EXOC6: variants seen among roughly 807,000 people sequenced by gnomAD.
The protein encoded by EXOC6 is exocyst complex component 6.
Under a neutral mutation model 112.5 loss-of-function variants are expected in EXOC6, and 60 were observed. The observed-to-expected ratio is 0.53, with a 90% CI of 0.43 to 0.66. The LOEUF (loss-of-function observed/expected upper bound fraction) is 0.66. EXOC6 is among the 30% of genes least tolerant of loss of function. The pLI is 0.00. For synonymous variants in EXOC6, 295 were observed against 308.0 expected (o/e 0.96, Z 0.44); for missense variants, 855 against 957.1 (o/e 0.89, Z 1.41).
At chr10:92,893,248 T>C (rs1427735317) in intron 1 of EXOC6, 101 bp from the exon 2 acceptor site, 2 of 796,448 alleles carry the variant, frequency 2.5e-6, no homozygotes, top group Non-Finnish European at 3.9e-6. Flanking sequence ...ATCACCAGTT[T>C]ATTTGTTCAG....
At chr10:92,898,869 G>T (rs941539782) in intron 4 of EXOC6, among the ~76,000 whole-genome samples, 3 of 152,160 alleles carry the variant, frequency 2.0e-5, no homozygotes, top group African/African-American at 7.2e-5. Context: ...CCATATTGTA[G>T]AGGGAAAGCA....
At chr10:92,955,832 G>T in intron 17 of EXOC6, 118 bp downstream of exon 17, 7 of 887,842 alleles carry the variant, frequency 7.9e-6, no homozygotes, top group Non-Finnish European at 1.2e-5. Flanking sequence ...AAGAATAGAG[G>T]TATTCATTGT....
chr10:93,020,824 A>C (rs1361482908), intron 20 of EXOC6, among the ~76,000 whole-genome samples: 1 of 151,864 alleles, frequency 6.6e-6, no homozygotes, highest in Non-Finnish European at 1.5e-5. Flanking sequence ...TGAACGGAAG[A>C]AGCAGCACTG....
In EXOC6 at chr10:92,939,330, G is replaced by A. The variant is rs183816026; in HGVS notation, c.1213-1397G>A. ...GCACTAAGAATATTTCTGGAAGAAA[G>A]AAAGATGGGTAGATGATGGAGAATG... On this transcript the variant is annotated intron_variant, in intron 12 of 21. Coordinates refer to ENST00000260762, the MANE Select transcript of EXOC6 (RefSeq NM_019053.6). Among the ~76,000 whole-genome samples, 57 of 152,132 alleles carry A rather than the reference G, an allele frequency of 3.7e-4. No homozygotes were observed. The East Asian group carries it at 7.1e-3, about 19-fold the overall frequency.
rs139360564 is a variant in EXOC6, at chr10:93,017,239, A to G, written c.2169+2972A>G. On this transcript the variant is annotated intron_variant, in intron 20 of 21. Coordinates refer to ENST00000260762, the MANE Select transcript of EXOC6 (RefSeq NM_019053.6). ...TTTGCTTCTTGGCATACAGAGTTAT[A>G]TAATGGACTCCAGAGACTCAAAAGG... Among the ~76,000 whole-genome samples, 436 of 152,254 alleles carry G rather than the reference A, an allele frequency of 2.9e-3. 2 individuals carry two copies. The highest frequency in any genetic ancestry group is 4.6e-3 in the Non-Finnish European group (316 of 68,020).
intron 1 of EXOC6, among the ~76,000 whole-genome samples, chr10:92,882,316 G>A (rs1849007298): frequency 6.6e-6 from 1 of 152,076 alleles, no homozygotes; most frequent in Non-Finnish European, 1.5e-5. Flanking sequence ...GGCCAAAGCA[G>A]GTGGATCATC....
chr10:92,968,037 T>TATAA (rs1479996924), intron 17 of EXOC6, among the ~76,000 whole-genome samples: 1 of 152,172 alleles, frequency 6.6e-6, no homozygotes, highest in African/African-American at 2.4e-5. Flanking sequence ...CATTAAGGTG[T>TATAA]GTTATCTTTA....
chr10:92,882,491 C>G (rs1849014857), intron 1 of EXOC6, among the ~76,000 whole-genome samples: 1 of 149,030 alleles, frequency 6.7e-6, no homozygotes, highest in Admixed American at 6.8e-5. Context: ...TTGCAGTGAG[C>G]CAAGATCGTG....
intron 1 of EXOC6, among the ~76,000 whole-genome samples, chr10:92,888,981 G>A (rs1243490125): frequency 6.6e-6 from 1 of 152,300 alleles, no homozygotes; most frequent in Non-Finnish European, 1.5e-5. Flanking sequence ...AAAAGAGGCA[G>A]TGATAGTTTC....
intron 5 of EXOC6, 66 bp from the exon 6 acceptor site, chr10:92,909,361 A>T: frequency 8.5e-7 from 1 of 1,171,512 alleles, no homozygotes; most frequent in African/African-American, 1.5e-5. Flanking sequence ...CTGATTATTT[A>T]GATTTACTTG....
At chr10:93,001,770 GA>G (rs1305845571) in intron 19 of EXOC6, among the ~76,000 whole-genome samples, 1 of 152,090 alleles carries the variant, frequency 6.6e-6, no homozygotes. Context: ...GGTCACACAG[GA>G]AAAAACAAAT....
chr10:92,886,474 C>T (rs1849224208), intron 1 of EXOC6, among the ~76,000 whole-genome samples: 1 of 152,200 alleles, frequency 6.6e-6, no homozygotes, highest in South Asian at 2.1e-4. Context: ...GAGTCATTCT[C>T]AATTGTTGAT....
At chr10:93,054,282 G>A (rs1451757404) in intron 20 of EXOC6, among the ~76,000 whole-genome samples, 1 of 152,122 alleles carries the variant, frequency 6.6e-6, no homozygotes, top group Non-Finnish European at 1.5e-5. Flanking sequence ...CGTGATAGGT[G>A]GGGAGTCAAT....
chr10:92,990,620 G>GT (rs1030883635), intron 18 of EXOC6, among the ~76,000 whole-genome samples: 21 of 151,956 alleles, frequency 1.4e-4, no homozygotes, highest in South Asian at 2.1e-4. Flanking sequence ...GTTTTTCTGT[G>GT]TTTTTTTTCT....
intron 1 of EXOC6, among the ~76,000 whole-genome samples, chr10:92,827,709 A>T (rs944011122): frequency 2.6e-5 from 4 of 152,138 alleles, no homozygotes; most frequent in African/African-American, 9.7e-5. Flanking sequence ...ATCCCCTCAC[A>T]GACCAGATGA....
chr10:92,889,771 TG>T (rs1179393810), intron 1 of EXOC6, among the ~76,000 whole-genome samples: 3 of 150,390 alleles, frequency 2.0e-5, no homozygotes, highest in African/African-American at 4.9e-5. Context: ...TTTTTCAGAG[TG>T]GGGGTTGCGC....
intron 20 of EXOC6, 133 bp from the exon 21 acceptor site, chr10:93,056,791 A>C: frequency 1.7e-6 from 1 of 600,902 alleles, no homozygotes; most frequent in South Asian, 2.1e-5. Flanking sequence ...ATGAAGTTTT[A>C]AAAATGAATT....
intron 20 of EXOC6, among the ~76,000 whole-genome samples, chr10:93,021,870 G>T (rs990945295): frequency 2.6e-5 from 4 of 152,152 alleles, no homozygotes; most frequent in African/African-American, 9.7e-5. Flanking sequence ...AGTTGTATAT[G>T]AATTTTTATG....
At chr10:92,946,622 A>T (rs2133990669) in intron 13 of EXOC6, among the ~76,000 whole-genome samples, 1 of 152,300 alleles carries the variant, frequency 6.6e-6, no homozygotes, top group South Asian at 2.1e-4. Flanking sequence ...CTACAGAGTG[A>T]AATCTGGATG....
Sources: gnomAD v4.1 joint callset for allele counts (sites outside exome capture counted in the v4.1 genomes callset) on GRCh38, gnomAD v4.1.1 for gene constraint, MANE v1.5 for transcripts, NCBI Gene and HGNC (gene_info 2026-07-23, HGNC 2026-07-21) for gene names.